The following STRA6 variants were observed in gnomAD, a reference collection of about 807,000 sequenced individuals.
STRA6 encodes receptor for retinol uptake STRA6.
A neutral mutation model predicts 83.6 loss-of-function variants in STRA6; 48 were observed. That is an observed-to-expected ratio of 0.57 (90% CI 0.46 to 0.73). The LOEUF (loss-of-function observed/expected upper bound fraction) is 0.73. Ranked by LOEUF, STRA6 falls within the 30% of genes least tolerant of loss-of-function variation. The pLI is 0.00. For synonymous variants in STRA6, 353 were observed against 362.3 expected (o/e 0.97, Z 0.29); for missense variants, 760 against 838.8 (o/e 0.91, Z 1.16).
intron 1 of STRA6, chr15:74,207,811 T>A: frequency 2.0e-6 from 3 of 1,535,316 alleles, no homozygotes; most frequent in Non-Finnish European, 2.6e-6. Context: ...CACACACACA[T>A]CCAACTGCCC....
chr15:74,198,732 C>A (rs571361448), intron 2 of STRA6, among the ~76,000 whole-genome samples: 12 of 152,216 alleles, frequency 7.9e-5, no homozygotes, highest in Non-Finnish European at 1.5e-4. Flanking sequence ...CCACCCTGCT[C>A]ACCAAACCCA....
In STRA6 at chr15:74,179,918, A is replaced by T. The variant is rs550792409; in HGVS notation, c.*162T>A. Reference sequence around the variant, plus strand: ...AAGTGGGTGGAGCAGAGCCCTCCTGAGGCTCCCAGTGCAGACAGACCTCCA... The same window carrying T: ...AAGTGGGTGGAGCAGAGCCCTCCTGTGGCTCCCAGTGCAGACAGACCTCCA... On this transcript the variant is annotated 3_prime_UTR_variant, in exon 19 of 19. Coordinates refer to ENST00000395105, the MANE Select transcript of STRA6 (RefSeq NM_022369.4). 3.2e-6 allele frequency: 3 copies of T among 938,170 alleles called. No homozygotes were observed. The Admixed American group carries it at 7.1e-5, about 22-fold the overall frequency. 58.1% of individuals were successfully genotyped at this position (938,170 alleles called of 1,614,324 possible). A position where few individuals can be genotyped will look rare whatever the true frequency, so the allele number is the denominator to read the frequency against.
intron 8 of STRA6, 28 bp downstream of exon 8, chr15:74,193,772 A>C: frequency 2.5e-6 from 4 of 1,610,366 alleles, no homozygotes; most frequent in Non-Finnish European, 3.4e-6. Flanking sequence ...GTGCTGAGGA[A>C]GAGCTCATCC....
At position 74,195,177 on chromosome 15, in the gene STRA6, A is replaced by C. The variant is rs2073748596; in HGVS notation, c.597+125T>G. The C allele has an allele frequency of 5.2e-6, 8 of 1,531,044 alleles. No homozygotes were observed. The South Asian group carries it at 9.5e-5, about 18-fold the overall frequency. The allele number at this position is 1,531,044 out of a possible 1,614,324, so 94.8% of individuals were successfully genotyped here. A position where few individuals can be genotyped will look rare whatever the true frequency, so the allele number is the denominator to read the frequency against. ...AGGGGCACATGTTTGAAGGCATGGAATCCCATGCACAATGGAAGGCTGCAG... is the reference window on the plus strand; with the variant it reads ...AGGGGCACATGTTTGAAGGCATGGACTCCCATGCACAATGGAAGGCTGCAG... On this transcript the variant is annotated intron_variant, in intron 7 of 18. Transcript: ENST00000395105.
intron 7 of STRA6, chr15:74,194,426 T>A: frequency 9.6e-7 from 1 of 1,041,198 alleles, no homozygotes; most frequent in Non-Finnish European, 1.2e-6. Context: ...GCTTAGTATG[T>A]GCCAGGTTCT....
At chr15:74,202,911 G>C, upstream of STRA6, 1 of 990,916 alleles carries the variant, frequency 1.0e-6, no homozygotes, top group Non-Finnish European at 1.2e-6. Context: ...CCCCTCCTGG[G>C]GGAGGAGGCC....
intron 8 of STRA6, 93 bp from the exon 9 acceptor site, chr15:74,191,584 G>A: frequency 8.8e-7 from 1 of 1,141,332 alleles, no homozygotes; most frequent in South Asian, 1.2e-5. Flanking sequence ...CACCAAGCAG[G>A]TGCTCCATAA....
chr15:74,202,456 C>T (rs745695831), intron 1 of STRA6, 174 bp from the exon 2 acceptor site: 1 of 1,536,182 alleles, frequency 6.5e-7, no homozygotes, highest in South Asian at 1.2e-5. Flanking sequence ...GGACTGAGGG[C>T]CTGAGCAAGC....
chr15:74,183,375 A>G (rs2073085316), intron 14 of STRA6: 1 of 350,988 alleles, frequency 2.8e-6, no homozygotes, highest in African/African-American at 2.2e-5. Context: ...CCTCCCGAAT[A>G]GCTGGAACTG....
chr15:74,209,511 AG>A, upstream of STRA6: 1 of 1,389,752 alleles, frequency 7.2e-7, no homozygotes, highest in Non-Finnish European at 9.8e-7. Context: ...GAGTCATCAC[AG>A]GGCTTCAGGG....
At position 74,202,493 on chromosome 15, in the gene STRA6, C is replaced by A. The variant is rs920797654; in HGVS notation, c.-15-211G>T. On this transcript the variant is annotated intron_variant, in intron 1 of 18. Coordinates refer to ENST00000395105, the MANE Select transcript of STRA6 (RefSeq NM_022369.4). ...GGCACGGGAAGAGGACAGGGCCTCT[C>A]GTGTCCCCTCCTCCCTTCCCGCCCA... The A allele has an allele frequency of 2.7e-5, 41 of 1,532,138 alleles. No individual in the cohort carries two copies. Among genetic ancestry groups the A allele is most frequent in the Non-Finnish European group, 3.1e-5 (35 of 1,145,892 alleles). The allele number at this position is 1,532,138 out of a possible 1,614,324, so 94.9% of individuals were successfully genotyped here.
Position 74,184,948 on chromosome 15 carries a change from C to T in STRA6, c.1166+32G>A, listed in dbSNP as rs200096725. On this transcript the variant is annotated intron_variant, in intron 13 of 18. Coordinates refer to ENST00000395105, the MANE Select transcript of STRA6 (RefSeq NM_022369.4). ...CAGGACTCCCACTCCTTCCCCACCT[C>T]GGCGCTGGGTGAGCCAGAGTCTGTC... 64 of 1,608,210 alleles carry T rather than the reference C, an allele frequency of 4.0e-5. No individual in the cohort carries two copies. In the Middle Eastern group the frequency reaches 9.9e-4, roughly 25 times the overall value.
upstream of STRA6, chr15:74,209,339 C>G (rs1260811602): frequency 6.6e-7 from 1 of 1,525,066 alleles, no homozygotes; most frequent in South Asian, 1.2e-5. Flanking sequence ...CTTAGAGAAG[C>G]TGAGGAACCC....
At chr15:74,196,310 G>T in intron 4 of STRA6, 163 bp from the exon 5 acceptor site, 1 of 1,156,908 alleles carries the variant, frequency 8.6e-7, no homozygotes, top group Non-Finnish European at 1.2e-6. Flanking sequence ...TTTGTGGAGT[G>T]CCTCTTATCT....
At chr15:74,204,311 T>G (rs2074205983), upstream of STRA6, among the ~76,000 whole-genome samples, 1 of 152,210 alleles carries the variant, frequency 6.6e-6, no homozygotes, top group Admixed American at 6.5e-5. Flanking sequence ...GCTCAGCGCC[T>G]GGCCCTTGGG....
Position 74,182,410 on chromosome 15 carries a change from A to T in STRA6, c.1351T>A (p.Phe451Ile). The change falls in exon 15 of 19, where the codon TTC (phenylalanine) becomes ATC (isoleucine). Residue 451 changes from phenylalanine (F) to isoleucine (I), a missense_variant. Phe to Ile is a conservative substitution (Grantham distance 21). Coordinates refer to ENST00000395105, the MANE Select transcript of STRA6 (RefSeq NM_022369.4). ...TGGAGCACAGGCATGAGCACCAGGA[A>T]GGCCAGGGCCGTGGTTCCCAGGAAG... ...IFFLGTTALA[F>I]LVLMPVLHGR... 6.2e-7 allele frequency: 1 copy of T among 1,613,202 alleles called. No homozygotes were observed. Among genetic ancestry groups the T allele is most frequent in the Admixed American group, 1.7e-5 (1 of 59,886 alleles).
chr15:74,182,986 T>C lies in STRA6; in HGVS notation c.1301-526A>G, dbSNP rs8032260. On this transcript the variant is annotated intron_variant, in intron 14 of 18. Transcript: ENST00000395105. The stretch of plus-strand genomic sequence containing the variant: ...TAGTAATTCATCTACTCCTTTACCA[T>C]CCTTCTCCTCCCGCAAGGAGGTGAG... The C allele has an allele frequency of 1.0e-2, 1,736 of 173,650 alleles. 34 individuals are homozygous for C. The highest frequency in any genetic ancestry group is 0.039 in the African/African-American group (1,652 of 41,914). The allele number at this position is 173,650 out of a possible 1,614,324, so 10.8% of individuals were successfully genotyped here. A position where few individuals can be genotyped will look rare whatever the true frequency, so the allele number is the denominator to read the frequency against.
At position 74,188,672 on chromosome 15, in the gene STRA6, C is replaced by T. The variant is rs550618469; in HGVS notation, c.1090+443G>A. On this transcript the variant is annotated intron_variant, in intron 12 of 18. Transcript: ENST00000395105. This position sits in a 1 kb window ranked among gnomAD's most constrained non-coding sequence, Gnocchi z 4.5. Reference sequence around the variant, plus strand: ...TCAGAGGAGGGAAGGAGAAAGGAGACGGCCCCAAAAGACAGGGAGTGGGGA... The same window carrying T: ...TCAGAGGAGGGAAGGAGAAAGGAGATGGCCCCAAAAGACAGGGAGTGGGGA... Among the ~76,000 whole-genome samples the T allele has an allele frequency of 9.2e-5, 14 of 152,320 alleles. No homozygotes were observed. The East Asian group carries it at 1.9e-3, about 21-fold the overall frequency.
At position 74,183,774 on chromosome 15, in the gene STRA6, G is replaced by A. The variant is rs981291231; in HGVS notation, c.1300+82C>T. On this transcript the variant is annotated intron_variant, in intron 14 of 18. Coordinates refer to ENST00000395105, the MANE Select transcript of STRA6 (RefSeq NM_022369.4). ...ACAAACTCTGAGGGCAGTACTTGCT[G>A]AGCACTCTTCTCCCCAACTGAGGCC... The A allele has an allele frequency of 2.3e-5, 37 of 1,609,204 alleles. No homozygotes were observed. In the African/African-American group the frequency reaches 4.1e-4, roughly 18 times the overall value.
Sources: allele counts gnomAD v4.1 joint callset (sites outside exome capture counted in the v4.1 genomes callset), GRCh38; gene constraint gnomAD v4.1.1; non-coding constraint Gnocchi (gnomAD v3.1); transcripts MANE v1.5; gene names NCBI Gene and HGNC (gene_info 2026-07-23, HGNC 2026-07-21).